Variants in GRM5 observed in about 807,000 individuals in gnomAD.
GRM5 encodes glutamate metabotropic receptor 5.
Under a neutral mutation model 83.1 loss-of-function variants are expected in GRM5, and 19 were observed. That is an observed-to-expected ratio of 0.23 (90% CI 0.16 to 0.34). The LOEUF is 0.34. Ranked by LOEUF, GRM5 falls within the 10% of genes least tolerant of loss-of-function variation. The pLI is 1.00. For synonymous variants in GRM5, 675 were observed against 633.6 expected (o/e 1.07, Z -0.98); for missense variants, 1,160 against 1,588.3 (o/e 0.73, Z 4.58).
intron 2 of GRM5, among the ~76,000 whole-genome samples, chr11:88,898,884 A>C (rs555112891): frequency 4.5e-4 from 69 of 152,146 alleles, no homozygotes; most frequent in African/African-American, 1.6e-3. Context: ...TAATTTACTT[A>C]TCAAGTAAAG....
chr11:88,802,896 C>A lies in GRM5; in HGVS notation c.911+47010G>T, dbSNP rs181882839. 3.1e-3 allele frequency among the ~76,000 whole-genome samples: 473 copies of A among 151,580 alleles called. 2 individuals carry two copies. Among genetic ancestry groups the A allele is most frequent in the African/African-American group, 0.011 (460 of 41,094 alleles). On this transcript the variant is annotated intron_variant, in intron 3 of 9. Coordinates refer to ENST00000305447, the MANE Select transcript of GRM5 (RefSeq NM_001143831.3). ...AGCATTCTTATACACCAATAACAGA[C>A]AAACAGAGAGCCAAATCATGAGTGA...
intron 2 of GRM5, among the ~76,000 whole-genome samples, chr11:89,012,397 C>T (rs1940726356): frequency 6.6e-6 from 1 of 152,162 alleles, no homozygotes; most frequent in African/African-American, 2.4e-5. Flanking sequence ...CCTAATCCAG[C>T]GAATTCTGAC....
At chr11:88,619,455 C>G (rs971187801) in intron 4 of GRM5, among the ~76,000 whole-genome samples, 1 of 152,094 alleles carries the variant, frequency 6.6e-6, no homozygotes, top group Non-Finnish European at 1.5e-5. Context: ...TGCTCTGGAC[C>G]CTGTCTCATC....
intron 2 of GRM5, among the ~76,000 whole-genome samples, chr11:88,884,676 G>T (rs541702392): frequency 6.6e-6 from 1 of 152,200 alleles, no homozygotes; most frequent in African/African-American, 2.4e-5. Flanking sequence ...GAGGGACCCA[G>T]TGGGAGGTAA....
intron 2 of GRM5, among the ~76,000 whole-genome samples, chr11:89,014,156 A>G (rs1185964458): frequency 6.6e-6 from 1 of 152,134 alleles, no homozygotes; most frequent in African/African-American, 2.4e-5. Flanking sequence ...TACACACACA[A>G]ACACATAATC....
chr11:88,723,068 T>C (rs921419014), intron 3 of GRM5, among the ~76,000 whole-genome samples: 1 of 152,092 alleles, frequency 6.6e-6, no homozygotes, highest in Admixed American at 6.6e-5. Context: ...CCACTAATAT[T>C]TTTACTGTTT....
At chr11:88,968,339 G>C (rs925123331) in intron 2 of GRM5, among the ~76,000 whole-genome samples, 2 of 152,068 alleles carry the variant, frequency 1.3e-5, no homozygotes, top group African/African-American at 2.4e-5. Flanking sequence ...CAAATCTAGA[G>C]AGACAGAAAG....
intron 3 of GRM5, among the ~76,000 whole-genome samples, chr11:88,791,472 C>T (rs1174389250): frequency 1.3e-5 from 2 of 152,278 alleles, no homozygotes; most frequent in East Asian, 1.9e-4. Context: ...TGAACTGATA[C>T]TATCACCCAC....
At chr11:89,043,574 T>TTA (rs1018966139) in intron 2 of GRM5, among the ~76,000 whole-genome samples, 2 of 86,872 alleles carry the variant, frequency 2.3e-5, no homozygotes, top group East Asian at 2.8e-4. Flanking sequence ...ATGCATGTTA[T>TTA]TTTTTTTTTT....
At position 88,799,753 on chromosome 11, in the gene GRM5, G is replaced by A. The variant is rs917891113; in HGVS notation, c.911+50153C>T. ...GTATCCATGGTCACAGCAGTTCTAC[G>A]ATAATAAAAGTCAGAAGATTTCTCC... On this transcript the variant is annotated intron_variant, in intron 3 of 9. Coordinates refer to ENST00000305447, the MANE Select transcript of GRM5 (RefSeq NM_001143831.3). Among the ~76,000 whole-genome samples, 8 of 151,990 alleles carry A rather than the reference G, an allele frequency of 5.3e-5. No individual in the cohort carries two copies. In the South Asian group the frequency reaches 6.2e-4, roughly 12 times the overall value.
At chr11:88,915,690 C>T (rs1945578200) in intron 2 of GRM5, among the ~76,000 whole-genome samples, 1 of 152,104 alleles carries the variant, frequency 6.6e-6, no homozygotes, top group Non-Finnish European at 1.5e-5. Flanking sequence ...CAATCCATTT[C>T]TTCAGTTCTT....
intron 2 of GRM5, among the ~76,000 whole-genome samples, chr11:89,005,103 C>T (rs1274038633): frequency 1.3e-5 from 2 of 152,148 alleles, no homozygotes; most frequent in Non-Finnish European, 2.9e-5. Flanking sequence ...ACCAACTTAG[C>T]AAAACTCTTA....
At chr11:88,968,048 A>T (rs1405100124) in intron 2 of GRM5, among the ~76,000 whole-genome samples, 4 of 152,140 alleles carry the variant, frequency 2.6e-5, no homozygotes, top group African/African-American at 9.7e-5. Flanking sequence ...GAGCAACAGA[A>T]TTGAGAGATT....
intron 2 of GRM5, among the ~76,000 whole-genome samples, chr11:88,977,046 T>G (rs1939364820): frequency 6.6e-6 from 1 of 151,748 alleles, no homozygotes; most frequent in Non-Finnish European, 1.5e-5. Flanking sequence ...TGGGGAGATT[T>G]AGAGTCTAGC....
rs1009054792 is a variant in GRM5 at position 88,548,628 on chromosome 11, A to C, written c.2630+18425T>G. Among the ~76,000 whole-genome samples the C allele has an allele frequency of 2.6e-5, 4 of 152,264 alleles. No individual in the cohort carries two copies. In the East Asian group the frequency reaches 7.7e-4, roughly 29 times the overall value. ...AGCATTTCTTCCCTCAAAATAAAAC[A>C]CTTTAAAATATATCATTCATAACAT... On this transcript the variant is annotated intron_variant, in intron 8 of 9. Coordinates refer to ENST00000305447, the MANE Select transcript of GRM5 (RefSeq NM_001143831.3).
At chr11:88,649,786 A>G (rs1408241429) in intron 4 of GRM5, among the ~76,000 whole-genome samples, 1 of 151,794 alleles carries the variant, frequency 6.6e-6, no homozygotes, top group Non-Finnish European at 1.5e-5. Flanking sequence ...TCCTGGCAGT[A>G]TATCTGCGTA....
chr11:88,890,773 C>T (rs1488254362), intron 2 of GRM5, among the ~76,000 whole-genome samples: 2 of 152,086 alleles, frequency 1.3e-5, no homozygotes, highest in African/African-American at 2.4e-5. Flanking sequence ...GGGTCCTAGG[C>T]TCCACGCCTG....
intron 3 of GRM5, among the ~76,000 whole-genome samples, chr11:88,692,600 G>T (rs1288398015): frequency 6.6e-6 from 1 of 152,146 alleles, no homozygotes; most frequent in Admixed American, 6.6e-5. Flanking sequence ...CTCTTAAAAT[G>T]CTAGGTGTTA....
At chr11:88,920,430 C>CAAAAAAA (rs1245962694) in intron 2 of GRM5, among the ~76,000 whole-genome samples, 2 of 10,678 alleles carry the variant, frequency 1.9e-4, no homozygotes, top group African/African-American at 3.5e-4. Context: ...AAAAAAAAAC[C>CAAAAAAA]AAAAAAAAAA....
Sources: gnomAD v4.1 joint callset for allele counts (sites outside exome capture counted in the v4.1 genomes callset) on GRCh38, gnomAD v4.1.1 for gene constraint, MANE v1.5 for transcripts, NCBI Gene and HGNC (gene_info 2026-07-23, HGNC 2026-07-21) for gene names.